The following ABI3BP variants were observed in gnomAD, a reference collection of about 807,000 sequenced individuals.
ABI3BP encodes target of Nesh-SH3.
In ABI3BP, 216 loss-of-function variants were observed where a neutral mutation model predicts 268.6. The observed-to-expected ratio is 0.80, with a 90% CI of 0.72 to 0.90. The LOEUF is 0.90. Among genes scored for constraint, ABI3BP ranks in the 40% least tolerant of loss-of-function variants. ABI3BP has a pLI of 0.00. For synonymous variants in ABI3BP, 730 were observed against 730.0 expected (o/e 1.00, Z 0.00); for missense variants, 2,090 against 2,182.4 (o/e 0.96, Z 0.84).
At chr3:100,815,385 G>A (rs1009474735) in intron 44 of ABI3BP, among the ~76,000 whole-genome samples, 5 of 152,190 alleles carry the variant, frequency 3.3e-5, no homozygotes, top group Admixed American at 2.6e-4. Flanking sequence ...CCTACTTAGC[G>A]AAGATTAAGA....
At chr3:100,797,381 T>G (rs2097375841) in intron 51 of ABI3BP, among the ~76,000 whole-genome samples, 1 of 151,996 alleles carries the variant, frequency 6.6e-6, no homozygotes, top group African/African-American at 2.4e-5. Flanking sequence ...TTCAACTCAG[T>G]TTCCCCACAA....
intron 51 of ABI3BP, among the ~76,000 whole-genome samples, chr3:100,800,496 C>A (rs1022077542): frequency 6.6e-6 from 1 of 152,094 alleles, no homozygotes; most frequent in Non-Finnish European, 1.5e-5. Context: ...ATATGGAGCA[C>A]GGAGTCTCAC....
intron 38 of ABI3BP, among the ~76,000 whole-genome samples, chr3:100,821,618 T>G (rs920329851): frequency 1.3e-5 from 2 of 149,312 alleles, no homozygotes; most frequent in African/African-American, 5.0e-5. Context: ...TTTTTTTTTT[T>G]TTGAGATGGA....
intron 40 of ABI3BP, among the ~76,000 whole-genome samples, chr3:100,819,600 G>A (rs1364508766): frequency 2.0e-5 from 3 of 152,026 alleles, no homozygotes; most frequent in Non-Finnish European, 2.9e-5. Flanking sequence ...AAATAAAAAT[G>A]CCTGGTTCTA....
intron 36 of ABI3BP, 97 bp downstream of exon 36, chr3:100,824,761 G>T: frequency 9.8e-7 from 1 of 1,022,366 alleles, no homozygotes; most frequent in Non-Finnish European, 1.4e-6. Context: ...TGCTTAGGGA[G>T]AATAAGACCT....
chr3:100,946,790 A>C (rs2072615045), intron 1 of ABI3BP, among the ~76,000 whole-genome samples: 1 of 115,794 alleles, frequency 8.6e-6, no homozygotes, highest in Admixed American at 8.2e-5. Flanking sequence ...CTCCGTTTCA[A>C]AAAAAAAAAA....
At chr3:100,867,083 T>C in intron 9 of ABI3BP, 127 bp from the exon 10 acceptor site, 1 of 666,436 alleles carries the variant, frequency 1.5e-6, no homozygotes. Context: ...AGTCAACAAC[T>C]TTATTGTGTA....
At chr3:100,952,158 C>T (rs914517927) in intron 1 of ABI3BP, among the ~76,000 whole-genome samples, 1 of 152,130 alleles carries the variant, frequency 6.6e-6, no homozygotes, top group African/African-American at 2.4e-5. Context: ...CCAAAACTAT[C>T]TCCCTTCCAG....
At chr3:100,867,640 C>CAAAAAAAAAAAAA (rs5851230) in intron 9 of ABI3BP, among the ~76,000 whole-genome samples, 1 of 64,228 alleles carries the variant, frequency 1.6e-5, no homozygotes, top group Non-Finnish European at 2.7e-5. Flanking sequence ...GACCCCGTCT[C>CAAAAAAAAAAAAA]AAAAAAAAAA....
chr3:100,972,922 C>A (rs1453474873), intron 1 of ABI3BP, among the ~76,000 whole-genome samples: 1 of 152,174 alleles, frequency 6.6e-6, no homozygotes, highest in East Asian at 1.9e-4. Flanking sequence ...AAATCTGAGT[C>A]ACCCAATGTG....
At chr3:100,821,435 T>G (rs9877253) in intron 38 of ABI3BP, among the ~76,000 whole-genome samples, 24,940 of 151,796 alleles carry the variant, frequency 0.16, 2,152 homozygotes, top group East Asian at 0.27. Flanking sequence ...ATTCCTCCAT[T>G]CTGAGCAAAG....
chr3:100,941,452 G>A (rs544464474), intron 1 of ABI3BP, among the ~76,000 whole-genome samples: 2 of 152,162 alleles, frequency 1.3e-5, no homozygotes, highest in South Asian at 4.2e-4. Flanking sequence ...GGTTACTTTC[G>A]AATTTAGAAA....
intron 63 of ABI3BP, among the ~76,000 whole-genome samples, chr3:100,761,767 T>G (rs2095965331): frequency 6.6e-6 from 1 of 152,178 alleles, no homozygotes; most frequent in South Asian, 2.1e-4. Context: ...TTAAGTGTTG[T>G]AACGTGAAGC....
intron 31 of ABI3BP, 93 bp from the exon 32 acceptor site, chr3:100,830,727 G>T (rs943579455): frequency 4.9e-6 from 5 of 1,020,746 alleles, no homozygotes; most frequent in African/African-American, 1.6e-5. Flanking sequence ...GATTTCTAAG[G>T]CTGCAAAATT....
At chr3:100,840,596 G>T (rs559290030) in intron 22 of ABI3BP, among the ~76,000 whole-genome samples, 2 of 152,066 alleles carry the variant, frequency 1.3e-5, no homozygotes, top group Non-Finnish European at 2.9e-5. Flanking sequence ...TATGCAGAAG[G>T]CTTTAAATTC....
intron 63 of ABI3BP, among the ~76,000 whole-genome samples, chr3:100,761,602 C>A (rs1289748231): frequency 2.0e-5 from 3 of 152,044 alleles, no homozygotes; most frequent in Non-Finnish European, 4.4e-5. Flanking sequence ...CTGCTTATGT[C>A]ATGAAAACAA....
chr3:100,893,766 G>A (rs2045888609), intron 4 of ABI3BP, among the ~76,000 whole-genome samples: 1 of 152,188 alleles, frequency 6.6e-6, no homozygotes, highest in Admixed American at 6.5e-5. Context: ...GAGAAACTTT[G>A]AGCATGCTTG....
In ABI3BP at chr3:100,813,675, G is replaced by C; in HGVS notation, c.3350C>G (p.Thr1117Arg). 1 of 1,535,224 alleles carries C rather than the reference G, an allele frequency of 6.5e-7. No individual in the cohort carries two copies. The highest frequency in any genetic ancestry group is 8.7e-7 in the Non-Finnish European group (1 of 1,146,276). The part of the protein sequence containing the change: ...KPVTSPSLEM[T>R]ESQPVSDVLE... Reference sequence around the variant, plus strand: ...AATCTATTTACCAGGTTGACTTTCTGTCATTTCTAGGCTTGGTGATGTCAC... The same window carrying C: ...AATCTATTTACCAGGTTGACTTTCTCTCATTTCTAGGCTTGGTGATGTCAC... The change falls in exon 45 of 68, where the codon ACA (threonine) becomes AGA (arginine). Residue 1117 changes from threonine (T) to arginine (R), a missense_variant. Coordinates refer to ENST00000471714, the MANE Select transcript of ABI3BP (RefSeq NM_001375547.2).
At position 100,770,782 on chromosome 3, in the gene ABI3BP, T is replaced by C. The variant is rs1454274384; in HGVS notation, c.4702A>G (p.Ile1568Val). ...TTTAGTGGCTTTTCCCAGTCCAAGA[T>C]GACAAATGAGGGGCACCCTTCCACG... ...VTVEGCPSFV[I>V]LDWEKPLNDT... The change falls in exon 62 of 68, where the codon ATC (isoleucine) becomes GTC (valine). Residue 1568 changes from isoleucine (I) to valine (V), a missense_variant. Coordinates refer to ENST00000471714, the MANE Select transcript of ABI3BP (RefSeq NM_001375547.2). 1.9e-6 allele frequency: 3 copies of C among 1,557,122 alleles called. No homozygotes were observed. The highest frequency in any genetic ancestry group is 2.6e-6 in the Non-Finnish European group (3 of 1,150,558).
Sources: gnomAD v4.1 joint callset for allele counts (sites outside exome capture counted in the v4.1 genomes callset) on GRCh38, gnomAD v4.1.1 for gene constraint, MANE v1.5 for transcripts, NCBI Gene and HGNC (gene_info 2026-07-23, HGNC 2026-07-21) for gene names.